Variants in CSMD1 observed in about 807,000 individuals in gnomAD.
The protein encoded by CSMD1 is CUB and sushi domain-containing protein 1.
A neutral mutation model predicts 417.5 loss-of-function variants in CSMD1; 213 were observed. The observed-to-expected ratio is 0.51, with a 90% CI of 0.46 to 0.57. CSMD1 has a LOEUF of 0.57. CSMD1 is among the 20% of genes least tolerant of loss of function. The probability of loss-of-function intolerance (pLI) is 0.00; values close to 1 mark genes in which losing one functional copy is unlikely to be tolerated. For missense variants in CSMD1, 6,923 were observed against 4,529.7 expected (o/e 1.53, Z -15.17); for synonymous variants, 2,862 against 1,736.8 (o/e 1.65, Z -16.11).
intron 4 of CSMD1, among the ~76,000 whole-genome samples, chr8:3,998,963 T>G (rs930507464): frequency 6.8e-6 from 1 of 147,284 alleles, no homozygotes; most frequent in Non-Finnish European, 1.5e-5. Context: ...TATATGGTAG[T>G]TTATATATAA....
chr8:3,355,923 A>G (rs978843025), intron 21 of CSMD1, among the ~76,000 whole-genome samples: 17 of 152,172 alleles, frequency 1.1e-4, no homozygotes, highest in Non-Finnish European at 1.6e-4. Flanking sequence ...TTGAATACCC[A>G]AGGAATACAT....
At chr8:3,576,544 A>C (rs1800158952) in intron 9 of CSMD1, among the ~76,000 whole-genome samples, 1 of 152,160 alleles carries the variant, frequency 6.6e-6, no homozygotes, top group South Asian at 2.1e-4. Flanking sequence ...ATTAGCTAAA[A>C]TTGACCTATT....
At chr8:4,024,137 T>G (rs1227095721) in intron 4 of CSMD1, among the ~76,000 whole-genome samples, 2 of 152,012 alleles carry the variant, frequency 1.3e-5, no homozygotes, top group Non-Finnish European at 2.9e-5. Flanking sequence ...TTACCAAAAA[T>G]TAAAGAAATA....
intron 3 of CSMD1, among the ~76,000 whole-genome samples, chr8:4,398,538 C>T (rs140355630): frequency 0.032 from 4,879 of 151,654 alleles, 258 homozygotes; most frequent in African/African-American, 0.11. Flanking sequence ...GGACTACAGG[C>T]GCCCGCCACC....
intron 2 of CSMD1, among the ~76,000 whole-genome samples, chr8:4,432,081 TAC>T (rs1265414546): frequency 6.6e-6 from 1 of 152,152 alleles, no homozygotes; most frequent in Non-Finnish European, 1.5e-5. Context: ...AGGATTAGAA[TAC>T]AGAAATATTG....
intron 49 of CSMD1, among the ~76,000 whole-genome samples, chr8:3,059,611 C>T (rs1034758899): frequency 2.0e-5 from 3 of 152,102 alleles, no homozygotes; most frequent in Admixed American, 6.6e-5. Flanking sequence ...GTGACACCAA[C>T]TCATTTGTGA....
chr8:4,791,196 G>A (rs997376947), intron 1 of CSMD1, among the ~76,000 whole-genome samples: 1 of 152,228 alleles, frequency 6.6e-6, no homozygotes, highest in African/African-American at 2.4e-5. Context: ...CTGGTCTTGA[G>A]AGGAGAGGTG....
chr8:3,968,004 T>TA (rs11330461), intron 5 of CSMD1, among the ~76,000 whole-genome samples: 3,772 of 98,842 alleles, frequency 0.038, 180 homozygotes, highest in African/African-American at 0.12. Context: ...CGTCACTGCT[T>TA]AAAAAAAAAA....
chr8:4,017,286 T>A (rs930365444), intron 4 of CSMD1, among the ~76,000 whole-genome samples: 11 of 152,174 alleles, frequency 7.2e-5, no homozygotes, highest in Non-Finnish European at 1.2e-4. Flanking sequence ...ATTTCTAATA[T>A]CAAATGCCAC....
chr8:4,882,015 C>A (rs575446234), intron 1 of CSMD1, among the ~76,000 whole-genome samples: 2 of 152,052 alleles, frequency 1.3e-5, no homozygotes, highest in Non-Finnish European at 2.9e-5. Flanking sequence ...CCTTCCAACA[C>A]TTATTTGCAA....
At chr8:4,928,695 G>C (rs1346178538) in intron 1 of CSMD1, among the ~76,000 whole-genome samples, 2 of 152,108 alleles carry the variant, frequency 1.3e-5, no homozygotes, top group African/African-American at 2.4e-5. Context: ...TGCCACCCTA[G>C]AATTCATACA....
chr8:4,167,668 G>C (rs974053764), intron 3 of CSMD1, among the ~76,000 whole-genome samples: 1 of 152,142 alleles, frequency 6.6e-6, no homozygotes, highest in African/African-American at 2.4e-5. Context: ...CACATAAAAA[G>C]ATATTGGTTA....
At chr8:4,040,010 G>A (rs754257310) in intron 3 of CSMD1, among the ~76,000 whole-genome samples, 1 of 152,034 alleles carries the variant, frequency 6.6e-6, no homozygotes, top group African/African-American at 2.4e-5. Context: ...CCCCATACAT[G>A]TCAGGACTGT....
chr8:4,640,914 C>T (rs372670606), intron 1 of CSMD1, among the ~76,000 whole-genome samples: 17 of 148,920 alleles, frequency 1.1e-4, no homozygotes, highest in South Asian at 2.1e-4. Context: ...AAACTGACAC[C>T]GGAAGTCACC....
At chr8:3,859,162 C>G (rs1026237660) in intron 5 of CSMD1, among the ~76,000 whole-genome samples, 4 of 152,172 alleles carry the variant, frequency 2.6e-5, no homozygotes, top group Admixed American at 2.0e-4. Flanking sequence ...TAGCACTGTG[C>G]CAGACACACA....
chr8:4,055,184 G>A (rs574436313), intron 3 of CSMD1, among the ~76,000 whole-genome samples: 3 of 152,146 alleles, frequency 2.0e-5, no homozygotes, highest in Non-Finnish European at 4.4e-5. Context: ...ACGCAGTCAA[G>A]TTAAAACTTC....
chr8:3,524,245 CCA>C (rs529179408), intron 10 of CSMD1, among the ~76,000 whole-genome samples: 21 of 143,278 alleles, frequency 1.5e-4, no homozygotes, highest in Middle Eastern at 9.3e-3. Flanking sequence ...ACATACACAC[CCA>C]GAGACATACA....
intron 5 of CSMD1, among the ~76,000 whole-genome samples, chr8:3,890,200 A>T (rs1806864906): frequency 6.6e-6 from 1 of 152,198 alleles, no homozygotes; most frequent in South Asian, 2.1e-4. Context: ...CCCTAAGAAG[A>T]ATACAATTTT....
chr8:4,745,902 T>A (rs1302586298), intron 1 of CSMD1, among the ~76,000 whole-genome samples: 1 of 152,208 alleles, frequency 6.6e-6, no homozygotes, highest in Non-Finnish European at 1.5e-5. Flanking sequence ...GCCACTTCCG[T>A]GCAATCAAGT....
Sources: gnomAD v4.1 joint callset for allele counts (sites outside exome capture counted in the v4.1 genomes callset) on GRCh38, gnomAD v4.1.1 for gene constraint, MANE v1.5 for transcripts, NCBI Gene and HGNC (gene_info 2026-07-23, HGNC 2026-07-21) for gene names.